The following EIPR1 variants were observed in gnomAD, a reference collection of about 807,000 sequenced individuals.
EIPR1 encodes the protein EARP and GARP complex-interacting protein 1.
A neutral mutation model predicts 48.1 loss-of-function variants in EIPR1; 25 were observed. The observed-to-expected ratio is 0.52, with a 90% CI of 0.38 to 0.73. The LOEUF (loss-of-function observed/expected upper bound fraction) is 0.73. EIPR1 is among the 30% of genes least tolerant of loss of function. The probability of loss-of-function intolerance (pLI) is 0.00; values close to 1 mark genes in which losing one functional copy is unlikely to be tolerated. For missense variants in EIPR1, 415 were observed against 506.2 expected, an observed-to-expected ratio of 0.82 and a Z score of 1.73; for synonymous variants, 204 against 201.9, an observed-to-expected ratio of 1.01 and a Z score of -0.09.
At position 3,196,923 on chromosome 2, in the gene EIPR1, G is replaced by A. The variant is rs552903692; in HGVS notation, c.611C>T (p.Ala204Val). 100 of 1,613,932 alleles carry A rather than the reference G, an allele frequency of 6.2e-5. No homozygotes were observed. Among genetic ancestry groups the A allele is most frequent in the African/African-American group, 1.2e-4 (9 of 75,056 alleles). Residue 204 changes from alanine (A) to valine (V), a missense_variant, in exon 6 of 9, where the codon GCG becomes GTG. Transcript: ENST00000382125. ...CCAGCCACGGAGGGTGGTGTCGTTCGCTGTGGCCACCTGGGTGCAGTTATG... is the reference window on the plus strand; with the variant it reads ...CCAGCCACGGAGGGTGGTGTCGTTCACTGTGGCCACCTGGGTGCAGTTATG... The part of the protein sequence containing the change: ...PHHNCTQVAT[A>V]NDTTLRGWDT...
intron 3 of EIPR1, among the ~76,000 whole-genome samples, chr2:3,300,387 C>T (rs903892585): frequency 2.6e-5 from 4 of 152,134 alleles, no homozygotes; most frequent in African/African-American, 9.7e-5. Context: ...CACAGGCCCG[C>T]CCCCTCTCCT....
chr2:3,323,071 G>A (rs1448483977), intron 3 of EIPR1, among the ~76,000 whole-genome samples: 1 of 151,364 alleles, frequency 6.6e-6, no homozygotes, highest in Non-Finnish European at 1.5e-5. Flanking sequence ...TGGCAGATAA[G>A]CTAATCTTAT....
intron 4 of EIPR1, among the ~76,000 whole-genome samples, chr2:3,241,774 A>T (rs1229895555): frequency 2.0e-5 from 3 of 152,194 alleles, no homozygotes; most frequent in Non-Finnish European, 4.4e-5. Context: ...AGCAAATAAC[A>T]AGCTGAACTT....
intron 3 of EIPR1, among the ~76,000 whole-genome samples, chr2:3,269,003 C>G (rs911286387): frequency 1.3e-5 from 2 of 152,228 alleles, no homozygotes; most frequent in African/African-American, 4.8e-5. Flanking sequence ...GGGAGAATCA[C>G]AGGCCAGCTG....
At chr2:3,236,980 T>C (rs994129055) in intron 4 of EIPR1, among the ~76,000 whole-genome samples, 2 of 152,098 alleles carry the variant, frequency 1.3e-5, no homozygotes, top group East Asian at 1.9e-4. Flanking sequence ...ATTTGTACCA[T>C]GTTAACACAC....
intron 3 of EIPR1, among the ~76,000 whole-genome samples, chr2:3,288,673 G>A (rs1046094643): frequency 6.6e-6 from 1 of 152,184 alleles, no homozygotes. Context: ...TTTGCCAAAC[G>A]TGAAGATCCC....
At chr2:3,283,587 G>A (rs1668081581) in intron 3 of EIPR1, among the ~76,000 whole-genome samples, 1 of 152,248 alleles carries the variant, frequency 6.6e-6, no homozygotes, top group Admixed American at 6.5e-5. Flanking sequence ...AGCTGCAAAG[G>A]ACGCCCAGAC....
chr2:3,226,421 T>G (rs563869440), intron 4 of EIPR1, among the ~76,000 whole-genome samples: 9 of 152,348 alleles, frequency 5.9e-5, no homozygotes, highest in African/African-American at 1.9e-4. Flanking sequence ...TATGTCTTCT[T>G]TAGAAAAATG....
At position 3,189,168 on chromosome 2, in the gene EIPR1, C is replaced by T. The variant is rs775802376; in HGVS notation, c.*166G>A. The T allele has an allele frequency of 9.1e-6, 6 of 657,240 alleles. No individual in the cohort carries two copies. Among genetic ancestry groups the T allele is most frequent in the Non-Finnish European group, 1.4e-5 (6 of 425,924 alleles). The allele number at this position is 657,240 out of a possible 1,614,324, so 40.7% of individuals were successfully genotyped here. On this transcript the variant is annotated 3_prime_UTR_variant, in exon 9 of 9. Coordinates refer to ENST00000382125, the MANE Select transcript of EIPR1 (RefSeq NM_003310.5). This position sits in a 1 kb window ranked among gnomAD's most constrained non-coding sequence, Gnocchi z 4.6. ...GCATTAGCTGTGCCGTCGACAATAG[C>T]CCCATTCACCCCATTCATAAATGCT...
At chr2:3,237,483 T>C (rs1280801447) in intron 4 of EIPR1, among the ~76,000 whole-genome samples, 1 of 152,172 alleles carries the variant, frequency 6.6e-6, no homozygotes, top group Admixed American at 6.5e-5. Flanking sequence ...TGCATCTAAT[T>C]TGCAAGTTAT....
chr2:3,348,039 T>A (rs1044716404), intron 2 of EIPR1, among the ~76,000 whole-genome samples: 1 of 152,270 alleles, frequency 6.6e-6, no homozygotes, highest in Non-Finnish European at 1.5e-5. Flanking sequence ...CTGGTGATTC[T>A]GAGCACAGGT....
At position 3,224,764 on chromosome 2, in the gene EIPR1, A is replaced by T. The variant is rs373044345; in HGVS notation, c.417-10516T>A. Among the ~76,000 whole-genome samples, 177 of 152,336 alleles carry T rather than the reference A, an allele frequency of 1.2e-3. 2 individuals carry two copies. In the South Asian group the frequency reaches 0.035, roughly 30 times the overall value. On this transcript the variant is annotated intron_variant, in intron 4 of 8. Transcript: ENST00000382125. ...CAGCACTGCACCTACCGAGCTGAAC[A>T]TCGGGCTCACCTGAGTCCCTGCTGG... is the stretch of plus-strand genomic sequence containing the variant.
intron 3 of EIPR1, among the ~76,000 whole-genome samples, chr2:3,278,596 T>TTGGCC (rs1176693053): frequency 3.9e-5 from 6 of 152,130 alleles, no homozygotes; most frequent in South Asian, 2.1e-4. Context: ...ACCCCTGAGG[T>TTGGCC]TGGCCTGGCC....
Position 3,196,876 on chromosome 2 carries a change from C to G in EIPR1, c.653+5G>C. 1 of 1,613,148 alleles carries G rather than the reference C, an allele frequency of 6.2e-7. No homozygotes were observed. Among genetic ancestry groups the G allele is most frequent in the Non-Finnish European group, 8.5e-7 (1 of 1,179,754 alleles). On this transcript the variant is annotated splice_donor_5th_base_variant and intron_variant, in intron 6 of 8. Transcript: ENST00000382125. ...GTGGGGCCTGCGCCGGGTGGGCTCA[C>G]TGACCTCATGCTCCGGGTGTCCCAG... is the stretch of plus-strand genomic sequence containing the variant.
chr2:3,287,775 TATGCTCCAGAAAGCTCATTCACC>T (rs1668245847), intron 3 of EIPR1, among the ~76,000 whole-genome samples: 2 of 66,304 alleles, frequency 3.0e-5, no homozygotes, highest in African/African-American at 1.2e-4. Context: ...GCTCATTCAC[TATGCTCCAGAAAGCTCATTCACC>T]ATGCTCTAGA....
At chr2:3,377,402 C>G (rs1173089393) in intron 1 of EIPR1, 2 of 432,698 alleles carry the variant, frequency 4.6e-6, no homozygotes, top group Non-Finnish European at 8.2e-6. Flanking sequence ...ACTTCCAGGT[C>G]AGAAGTCATG....
intron 4 of EIPR1, among the ~76,000 whole-genome samples, chr2:3,231,453 T>C (rs1332382237): frequency 2.0e-5 from 3 of 152,272 alleles, no homozygotes; most frequent in Admixed American, 6.5e-5. Context: ...ACTTTTCAGA[T>C]GTTAGTTGTT....
intron 3 of EIPR1, among the ~76,000 whole-genome samples, chr2:3,299,866 C>T (rs1668717659): frequency 6.6e-6 from 1 of 152,136 alleles, no homozygotes; most frequent in Non-Finnish European, 1.5e-5. Flanking sequence ...GTCTCGGCAC[C>T]ACCACTCACA....
chr2:3,249,887 C>A lies in EIPR1; in HGVS notation c.416+7412G>T, dbSNP rs576226955. ...TGCAAGCTATATGCCCTGGCAACTT[C>A]CACATGGTGCTAAGTCTGTGGGTAC... On this transcript the variant is annotated intron_variant, in intron 4 of 8. Coordinates refer to ENST00000382125, the MANE Select transcript of EIPR1 (RefSeq NM_003310.5). 3.7e-4 allele frequency among the ~76,000 whole-genome samples: 56 copies of A among 152,350 alleles called. No homozygotes were observed. The South Asian group carries it at 0.011, about 30-fold the overall frequency.
Sources: gnomAD v4.1 joint callset for allele counts (sites outside exome capture counted in the v4.1 genomes callset) on GRCh38, gnomAD v4.1.1 for gene constraint, Gnocchi (gnomAD v3.1) non-coding constraint, MANE v1.5 for transcripts, NCBI Gene and HGNC (gene_info 2026-07-23, HGNC 2026-07-21) for gene names.